Variants in SVEP1 observed in about 807,000 individuals in gnomAD.
SVEP1 encodes sushi, von Willebrand factor type A, EGF and pentraxin domain-containing protein 1.
SVEP1 carries 164 observed loss-of-function variants against 367.3 expected under a neutral mutation model. That is an observed-to-expected ratio of 0.45 (90% CI 0.39 to 0.51). The LOEUF (loss-of-function observed/expected upper bound fraction) is 0.51. SVEP1 is among the 20% of genes least tolerant of loss of function. The probability of loss-of-function intolerance (pLI) is 0.00; values close to 1 mark genes in which losing one functional copy is unlikely to be tolerated. For synonymous variants in SVEP1, 1,666 were observed against 1,611.6 expected, an observed-to-expected ratio of 1.03 and a Z score of -0.81; for missense variants, 4,117 against 4,425.3, an observed-to-expected ratio of 0.93 and a Z score of 1.98.
chr9:110,402,530 A>AG (rs554587194), intron 39 of SVEP1, among the ~76,000 whole-genome samples: 1 of 152,128 alleles, frequency 6.6e-6, no homozygotes, highest in African/African-American at 2.4e-5. Context: ...TGAGCAAAAA[A>AG]GGGGGGTCAT....
Position 110,460,631 on chromosome 9 carries a change from A to G in SVEP1, c.3323-1518T>C, listed in dbSNP as rs114083278. Among the ~76,000 whole-genome samples the G allele has an allele frequency of 1.5e-3, 234 of 152,302 alleles. 1 individual carries two copies. The highest frequency in any genetic ancestry group is 5.4e-3 in the African/African-American group (223 of 41,560). ...AGCCAGTGTGGTGTCAGGTACCTGT[A>G]ATCCCAGCTACTTAAGAGGCTAAGG... On this transcript the variant is annotated intron_variant, in intron 18 of 47. Transcript: ENST00000374469.
chr9:110,409,145 G>A (rs992867209), intron 37 of SVEP1, among the ~76,000 whole-genome samples, 194 bp from the exon 38 acceptor site: 5 of 152,148 alleles, frequency 3.3e-5, no homozygotes, highest in Admixed American at 2.0e-4. Context: ...ATAGTAGAAA[G>A]TCAACTTAGG....
intron 40 of SVEP1, among the ~76,000 whole-genome samples, chr9:110,390,029 A>G (rs10980359): frequency 0.034 from 3,322 of 98,536 alleles, 68 homozygotes; most frequent in Non-Finnish European, 0.046. Context: ...GTGTGTGTGT[A>G]TATATATATA....
At chr9:110,511,764 A>G (rs563395164) in intron 5 of SVEP1, among the ~76,000 whole-genome samples, 17 of 152,234 alleles carry the variant, frequency 1.1e-4, no homozygotes, top group East Asian at 1.9e-4. Flanking sequence ...TGGTACCAAC[A>G]TAGATGTCTC....
At chr9:110,554,310 A>T (rs927620664) in intron 1 of SVEP1, among the ~76,000 whole-genome samples, 1 of 151,950 alleles carries the variant, frequency 6.6e-6, no homozygotes, top group Non-Finnish European at 1.5e-5. Flanking sequence ...AAATGTTTCT[A>T]TCTCATCATT....
chr9:110,566,331 TA>T (rs1588111497), intron 1 of SVEP1, among the ~76,000 whole-genome samples: 74 of 92,194 alleles, frequency 8.0e-4, no homozygotes, highest in Middle Eastern at 5.2e-3. Context: ...CCATAATAAA[TA>T]AATAAATAAA....
At position 110,579,354 on chromosome 9, in the gene SVEP1, G is replaced by C; in HGVS notation, c.190C>G (p.Leu64Val). 1 of 1,555,526 alleles carries C rather than the reference G, an allele frequency of 6.4e-7. No individual in the cohort carries two copies. Among genetic ancestry groups the C allele is most frequent in the Non-Finnish European group, 8.7e-7 (1 of 1,150,600 alleles). ...ACGCGTCGCCGGAACGCCTGGCCCA[G>C]CCGCTCCACTCTGCTCCCCGCCGCT... ...DEAAGSRVER[L>V]GQAFRRRVRL... The change falls in exon 1 of 48, where the codon CTG (leucine) becomes GTG (valine). Residue 64 changes from leucine (L) to valine (V), a missense_variant. Physicochemically the swap from Leu to Val is conservative, Grantham distance 32. Transcript: ENST00000374469. The surrounding 1 kb of genome is among the most constrained non-coding windows in gnomAD (Gnocchi z 5.3).
intron 3 of SVEP1, among the ~76,000 whole-genome samples, chr9:110,536,528 C>T (rs1830081977): frequency 2.0e-5 from 3 of 151,860 alleles, no homozygotes; most frequent in African/African-American, 4.8e-5. Context: ...GTCTATGGCA[C>T]CTTTTCACAA....
intron 3 of SVEP1, among the ~76,000 whole-genome samples, chr9:110,529,557 T>C (rs1829989872): frequency 6.6e-6 from 1 of 152,124 alleles, no homozygotes; most frequent in East Asian, 1.9e-4. Context: ...TTTGTAGTTC[T>C]CCTTGTAGAG....
At chr9:110,384,349 C>T (rs886765528) in intron 43 of SVEP1, among the ~76,000 whole-genome samples, 9 of 151,928 alleles carry the variant, frequency 5.9e-5, no homozygotes, top group Non-Finnish European at 8.8e-5. Flanking sequence ...CTGTGGATTG[C>T]GCCAACTGCC....
chr9:110,392,158 TTC>T (rs1827668490), intron 40 of SVEP1, among the ~76,000 whole-genome samples: 1 of 148,520 alleles, frequency 6.7e-6, no homozygotes, highest in Non-Finnish European at 1.5e-5. Context: ...TATATATCTC[TTC>T]TCTCTCTCTC....
At chr9:110,466,065 T>G (rs763865102) in intron 17 of SVEP1, 39 bp from the exon 18 acceptor site, 3 of 1,585,790 alleles carry the variant, frequency 1.9e-6, no homozygotes, top group Non-Finnish European at 1.7e-6. Flanking sequence ...AATAATGATA[T>G]TAAGCTGCAT....
intron 1 of SVEP1, among the ~76,000 whole-genome samples, chr9:110,569,914 T>G (rs1830534627): frequency 2.0e-5 from 3 of 152,216 alleles, no homozygotes; most frequent in African/African-American, 7.2e-5. Context: ...GAGAAAGACA[T>G]ACAGCAGAGA....
chr9:110,450,086 G>A lies in SVEP1; in HGVS notation c.4076C>T (p.Thr1359Ile). Residue 1359 changes from threonine to isoleucine, a missense_variant, in exon 24 of 48, where the codon ACC (threonine) becomes ATC (isoleucine). This residue lies in a region of SVEP1 where 2,174 missense variants were observed against 2,494.3 expected (regional missense o/e 0.87). Transcript: ENST00000374469. ...GAAGCTATTGGCACCGTCTTTACAGGTAGCTCCATTTTTGCATGGCTGACT... is the reference window on the plus strand; with the variant it reads ...GAAGCTATTGGCACCGTCTTTACAGATAGCTCCATTTTTGCATGGCTGACT... ...CLSQPCKNGA[T>I]CKDGANSFRC... is the part of the protein sequence containing the mutation. 6.2e-7 allele frequency: 1 copy of A among 1,613,892 alleles called. No individual in the cohort carries two copies. Among genetic ancestry groups the A allele is most frequent in the Non-Finnish European group, 8.5e-7 (1 of 1,179,820 alleles).
At chr9:110,374,523 G>A (rs1478684721) in intron 46 of SVEP1, among the ~76,000 whole-genome samples, 1 of 152,122 alleles carries the variant, frequency 6.6e-6, no homozygotes, top group Non-Finnish European at 1.5e-5. Flanking sequence ...GGCAGCAGGT[G>A]ACTGTAATCC....
intron 44 of SVEP1, among the ~76,000 whole-genome samples, chr9:110,379,130 T>C (rs915071694): frequency 2.6e-5 from 4 of 151,842 alleles, no homozygotes; most frequent in African/African-American, 9.7e-5. Flanking sequence ...TCATTACCTC[T>C]TTCTATTTTG....
intron 13 of SVEP1, among the ~76,000 whole-genome samples, chr9:110,478,994 T>C (rs778504313): frequency 6.6e-6 from 1 of 152,000 alleles, no homozygotes; most frequent in Non-Finnish European, 1.5e-5. Context: ...TCTGGTTCAC[T>C]GCAACCTCCA....
chr9:110,390,171 GTA>G (rs1242966152), intron 40 of SVEP1, among the ~76,000 whole-genome samples: 1 of 47,364 alleles, frequency 2.1e-5, no homozygotes, highest in East Asian at 4.0e-4. Context: ...ACTTATATAA[GTA>G]TGTATGTATA....
chr9:110,431,226 C>A lies in SVEP1; in HGVS notation c.5353+689G>T, dbSNP rs1253837380. The stretch of plus-strand genomic sequence containing the variant: ...AATATTAACATACAGAGAAAAGTTA[C>A]TTATGGAAAATCCATAAAGTGAATT... On this transcript the variant is annotated intron_variant, in intron 32 of 47. Coordinates refer to ENST00000374469, the MANE Select transcript of SVEP1 (RefSeq NM_153366.4). 2.0e-5 allele frequency among the ~76,000 whole-genome samples: 3 copies of A among 152,216 alleles called. No individual in the cohort carries two copies. In the East Asian group the frequency reaches 5.8e-4, roughly 29 times the overall value.
Sources: gnomAD v4.1 joint callset for allele counts (sites outside exome capture counted in the v4.1 genomes callset) on GRCh38, gnomAD v4.1.1 for gene constraint, gnomAD v4.1.1 regional missense constraint, Gnocchi (gnomAD v3.1) non-coding constraint, MANE v1.5 for transcripts, NCBI Gene and HGNC (gene_info 2026-07-23, HGNC 2026-07-21) for gene names.